The following FSIP1 variants were observed in gnomAD, a reference collection of about 807,000 sequenced individuals.
The protein encoded by FSIP1 is fibrous sheath interacting protein 1, also known as fibrous sheath-interacting protein 1.
FSIP1 carries 65 observed loss-of-function variants against 60.9 expected under a neutral mutation model. That is an observed-to-expected ratio of 1.07 (90% CI 0.87 to 1.31). The LOEUF (loss-of-function observed/expected upper bound fraction) is 1.31, where lower values mean the gene tolerates loss of function less well. Among genes scored for constraint, FSIP1 ranks in the 40% most tolerant of loss-of-function variants. The pLI is 0.00. For missense variants in FSIP1, 675 were observed against 665.5 expected (o/e 1.01, Z -0.16); for synonymous variants, 209 against 221.2 (o/e 0.94, Z 0.49).
intron 11 of FSIP1, among the ~76,000 whole-genome samples, chr15:39,607,071 G>A (rs183864394): frequency 9.2e-5 from 14 of 152,194 alleles, no homozygotes; most frequent in Admixed American, 9.2e-4. Context: ...GAAGCATCCT[G>A]GCCTCACTTC....
intron 9 of FSIP1, among the ~76,000 whole-genome samples, chr15:39,714,818 A>AAAAAAT (rs1319325628): frequency 6.8e-6 from 1 of 146,308 alleles, no homozygotes; most frequent in African/African-American, 2.7e-5. Flanking sequence ...AATAAAAAAT[A>AAAAAAT]AAAAAATAAT....
At chr15:39,711,736 G>A (rs1393048112) in intron 10 of FSIP1, among the ~76,000 whole-genome samples, 1 of 122,234 alleles carries the variant, frequency 8.2e-6, no homozygotes, top group Non-Finnish European at 1.6e-5. Flanking sequence ...AGGCTGGAGT[G>A]TGCAGTGGCG....
At chr15:39,697,604 T>C (rs1374706855) in intron 10 of FSIP1, among the ~76,000 whole-genome samples, 1 of 152,166 alleles carries the variant, frequency 6.6e-6, no homozygotes, top group Non-Finnish European at 1.5e-5. Context: ...CCCAAATTCG[T>C]CTTCGCTCGT....
At chr15:39,742,652 T>C (rs994323977) in intron 5 of FSIP1, among the ~76,000 whole-genome samples, 1 of 151,920 alleles carries the variant, frequency 6.6e-6, no homozygotes, top group Non-Finnish European at 1.5e-5. Context: ...ATCCACCACC[T>C]CTCCCAGAAA....
chr15:39,612,172 A>G (rs1189043198), intron 11 of FSIP1, among the ~76,000 whole-genome samples: 1 of 152,208 alleles, frequency 6.6e-6, no homozygotes, highest in Non-Finnish European at 1.5e-5. Context: ...CCTCACATTC[A>G]TATACAAAAC....
intron 10 of FSIP1, among the ~76,000 whole-genome samples, chr15:39,711,458 C>T (rs1895502527): frequency 6.6e-6 from 1 of 152,090 alleles, no homozygotes; most frequent in Non-Finnish European, 1.5e-5. Context: ...CACAAACATC[C>T]AAACCACAGC....
In FSIP1 at chr15:39,738,141, CA is replaced by C; in HGVS notation, c.840del (p.Glu281SerfsTer3). The C allele has an allele frequency of 6.2e-7, 1 of 1,613,508 alleles. No individual in the cohort carries two copies. The highest frequency in any genetic ancestry group is 8.5e-7 in the Non-Finnish European group (1 of 1,179,776). ...TTCTCATCCAAGTCCTTCAAAAGCT[CA>C]ACCAGCCTTTTCTTCTCTCTGTCAA... Reference protein sequence around the residue: ...VMVDREKKRLVELLKDLDEKD... With the variant: ...VMVDREKKRLXELLKDLDEKD... On this transcript the variant is annotated frameshift_variant, in exon 8 of 12. Transcript: ENST00000350221. LOFTEE classifies it high-confidence loss of function.
chr15:39,782,424 G>A (rs368236175), intron 1 of FSIP1: 5 of 152,490 alleles, frequency 3.3e-5, no homozygotes, highest in African/African-American at 1.2e-4. Context: ...AATGTTAGGT[G>A]ATTCCTGGAG....
chr15:39,732,898 T>G (rs1242640552), intron 8 of FSIP1, among the ~76,000 whole-genome samples: 1 of 152,202 alleles, frequency 6.6e-6, no homozygotes, highest in Non-Finnish European at 1.5e-5. Flanking sequence ...TTCAAAGTTT[T>G]CCTAAACTTT....
intron 10 of FSIP1, among the ~76,000 whole-genome samples, chr15:39,677,802 C>A (rs567905321): frequency 1.3e-5 from 2 of 152,210 alleles, no homozygotes; most frequent in East Asian, 3.9e-4. Context: ...TGGAGACCAT[C>A]CTGGCCAACA....
At chr15:39,721,975 C>T (rs564818316) in intron 9 of FSIP1, among the ~76,000 whole-genome samples, 2 of 152,076 alleles carry the variant, frequency 1.3e-5, no homozygotes, top group Non-Finnish European at 2.9e-5. Flanking sequence ...GGCTCCTGAC[C>T]CCCCAGGCCA....
rs1228538770 is a variant in FSIP1, at chr15:39,617,933, C to T, written c.1501G>A (p.Ala501Thr). ...HNMSEALVTE[A>T]ENMKCLQFSK... is the part of the protein sequence containing the mutation. ...AATTGAAGGCATTTCATATTCTCTG[C>T]TTCAGTGACAAGAGCTTCTGACATG... The change falls in exon 11 of 12, where the codon GCA becomes ACA. Residue 501 changes from alanine to threonine, a missense_variant. Physicochemically the swap from Ala to Thr is moderately conservative, Grantham distance 58. Coordinates refer to ENST00000350221, the MANE Select transcript of FSIP1 (RefSeq NM_152597.5). 3.1e-6 allele frequency: 5 copies of T among 1,614,050 alleles called. No homozygotes were observed. Among genetic ancestry groups the T allele is most frequent in the Admixed American group, 3.3e-5 (2 of 60,008 alleles).
chr15:39,780,411 G>C (rs1898219770), intron 1 of FSIP1, among the ~76,000 whole-genome samples: 1 of 152,172 alleles, frequency 6.6e-6, no homozygotes, highest in South Asian at 2.1e-4. Flanking sequence ...TGTAGTCCCA[G>C]CTACTCGGGA....
At chr15:39,656,690 C>T (rs1172986033) in intron 10 of FSIP1, among the ~76,000 whole-genome samples, 1 of 152,210 alleles carries the variant, frequency 6.6e-6, no homozygotes, top group Non-Finnish European at 1.5e-5. Flanking sequence ...TTCTCACTAA[C>T]ACAATCTTGT....
chr15:39,713,603 A>T, intron 9 of FSIP1, 22 bp from the exon 10 acceptor site: 1 of 1,578,540 alleles, frequency 6.3e-7, no homozygotes, highest in Non-Finnish European at 8.5e-7. Flanking sequence ...AAAAAAAAAA[A>T]ACATCATTCA....
intron 11 of FSIP1, among the ~76,000 whole-genome samples, chr15:39,607,350 T>C (rs1314183834): frequency 1.3e-5 from 2 of 152,264 alleles, no homozygotes; most frequent in African/African-American, 4.8e-5. Flanking sequence ...ACCCGGATCA[T>C]GACAATCCTC....
chr15:39,617,598 T>C lies in FSIP1; in HGVS notation c.1699+137A>G, dbSNP rs559192864. The C allele has an allele frequency of 7.0e-5, 48 of 687,416 alleles. No individual in the cohort carries two copies. In the South Asian group the frequency reaches 8.5e-4, roughly 12 times the overall value. The allele number at this position is 687,416 out of a possible 1,614,324, so 42.6% of individuals were successfully genotyped here. On this transcript the variant is annotated intron_variant, in intron 11 of 11. Coordinates refer to ENST00000350221, the MANE Select transcript of FSIP1 (RefSeq NM_152597.5). Reference sequence around the variant, plus strand: ...TAAGAGCATTGGGAAATAGGTTTTATGTTTGCATACTCTTATTGACGCTAC... The same window carrying C: ...TAAGAGCATTGGGAAATAGGTTTTACGTTTGCATACTCTTATTGACGCTAC...
intron 9 of FSIP1, among the ~76,000 whole-genome samples, chr15:39,717,859 C>T (rs75101456): frequency 3.9e-5 from 6 of 152,346 alleles, no homozygotes; most frequent in South Asian, 4.1e-4. Context: ...TAAGCAAAGT[C>T]GCCTCCTAAC....
At chr15:39,769,520 T>C (rs531123285) in intron 3 of FSIP1, among the ~76,000 whole-genome samples, 29 of 152,220 alleles carry the variant, frequency 1.9e-4, no homozygotes, top group Non-Finnish European at 3.8e-4. Flanking sequence ...TGTTCCATTA[T>C]AAAAGTGGCC....
Sources: gnomAD v4.1 joint callset for allele counts (sites outside exome capture counted in the v4.1 genomes callset) on GRCh38, gnomAD v4.1.1 for gene constraint, MANE v1.5 for transcripts, NCBI Gene and HGNC (gene_info 2026-07-23, HGNC 2026-07-21) for gene names.